The following TSHZ3 variants were observed in gnomAD, a reference collection of about 807,000 sequenced individuals.
The protein encoded by TSHZ3 is teashirt homolog 3.
TSHZ3 carries 10 observed loss-of-function variants against 64.5 expected under a neutral mutation model. The observed-to-expected ratio is 0.16, with a 90% CI of 0.10 to 0.26. The LOEUF is 0.26. Ranked by LOEUF, TSHZ3 falls within the 10% of genes least tolerant of loss-of-function variation. TSHZ3 has a pLI of 1.00. For missense variants in TSHZ3, 1,242 were observed against 1,421.7 expected (o/e 0.87, Z 2.03); for synonymous variants, 608 against 593.1 (o/e 1.03, Z -0.36).
intron 1 of TSHZ3, among the ~76,000 whole-genome samples, chr19:31,314,667 A>C (rs1043994484): frequency 5.3e-5 from 8 of 152,366 alleles, no homozygotes; most frequent in Admixed American, 3.9e-4. Context: ...ATTTTGCCTC[A>C]AGATGCGTTA....
At chr19:31,347,684 T>G (rs1029112017) in intron 1 of TSHZ3, among the ~76,000 whole-genome samples, 1 of 152,164 alleles carries the variant, frequency 6.6e-6, no homozygotes, top group African/African-American at 2.4e-5. Context: ...ACTTTCTAAA[T>G]TTGGGCAACA....
chr19:31,210,504 G>T (rs748449984), intron 4 of TSHZ3, among the ~76,000 whole-genome samples: 4 of 152,058 alleles, frequency 2.6e-5, no homozygotes, highest in Non-Finnish European at 5.9e-5. Flanking sequence ...TCTGTGTCTC[G>T]GGCCTCAGGC....
rs569719562 is a variant in TSHZ3 at position 31,192,661 on chromosome 19, T to G, written n.809+12295A>C. On this transcript the variant is annotated intron_variant and non_coding_transcript_variant, in intron 5 of 6. Coordinates refer to the TSHZ3 transcript ENST00000651361. ...CAACATTGTTTTGGGGCCAACTTTATTTCTTTGCATTACAGTGTAATATTC... is the reference window on the plus strand; with the variant it reads ...CAACATTGTTTTGGGGCCAACTTTAGTTCTTTGCATTACAGTGTAATATTC... Among the ~76,000 whole-genome samples the G allele has an allele frequency of 1.0e-3, 154 of 152,342 alleles. 1 individual carries two copies. In the Middle Eastern group the frequency reaches 0.024, roughly 24 times the overall value.
chr19:31,178,965 G>A (rs1358820405), intron 5 of TSHZ3, among the ~76,000 whole-genome samples: 1 of 152,098 alleles, frequency 6.6e-6, no homozygotes, highest in Non-Finnish European at 1.5e-5. Context: ...TGGAAATCAG[G>A]AAATATAGTA....
intron 3 of TSHZ3, among the ~76,000 whole-genome samples, chr19:31,239,869 T>A (rs1975666624): frequency 6.6e-6 from 1 of 152,208 alleles, no homozygotes; most frequent in African/African-American, 2.4e-5. Context: ...AAAATGTAAT[T>A]AAATTGACTT....
At chr19:31,237,310 G>C (rs192519772) in intron 3 of TSHZ3, among the ~76,000 whole-genome samples, 69 of 152,246 alleles carry the variant, frequency 4.5e-4, no homozygotes, top group Admixed American at 1.4e-3. Flanking sequence ...TTATCAGGCT[G>C]AAGTTGATTG....
intron 1 of TSHZ3, among the ~76,000 whole-genome samples, chr19:31,336,581 G>A (rs528517638): frequency 7.2e-5 from 11 of 152,286 alleles, no homozygotes; most frequent in Non-Finnish European, 1.5e-4. Flanking sequence ...GGTTATCTAA[G>A]GAACGAAGTT....
intron 1 of TSHZ3, among the ~76,000 whole-genome samples, chr19:31,322,337 A>G (rs1485280114): frequency 1.3e-5 from 2 of 152,106 alleles, no homozygotes; most frequent in Admixed American, 6.6e-5. Flanking sequence ...GGGTTTCACC[A>G]TGTTGGCTGG....
intron 1 of TSHZ3, among the ~76,000 whole-genome samples, chr19:31,257,463 T>C (rs1437106787): frequency 6.6e-6 from 1 of 152,214 alleles, no homozygotes; most frequent in Non-Finnish European, 1.5e-5. Context: ...AAGCAGCAGA[T>C]GCCCAGCCAA....
rs186339649 is a variant in TSHZ3 at position 31,235,006 on chromosome 19, T to A, written n.551-6866A>T. ...AACACCGAATTTCTTGTATGGGAAG[T>A]TTTTTTATGATAAATTCAATTATTT... is the stretch of plus-strand genomic sequence containing the variant. On this transcript the variant is annotated intron_variant and non_coding_transcript_variant, in intron 3 of 6. Coordinates refer to the TSHZ3 transcript ENST00000651361. Among the ~76,000 whole-genome samples, 412 of 152,326 alleles carry A rather than the reference T, an allele frequency of 2.7e-3. 3 individuals carry two copies. The highest frequency in any genetic ancestry group is 9.5e-3 in the African/African-American group (394 of 41,568).
chr19:31,277,849 G>C lies in TSHZ3; in HGVS notation c.1944C>G (p.Ser648Arg). 6.3e-7 allele frequency: 1 copy of C among 1,589,388 alleles called. No individual in the cohort carries two copies. Among genetic ancestry groups the C allele is most frequent in the Non-Finnish European group, 8.5e-7 (1 of 1,169,642 alleles). Residue 648 changes from serine (S) to arginine (R), a missense_variant, in exon 2 of 2, where the codon AGC (serine) becomes AGG (arginine). This residue lies in a region of TSHZ3 where 550 missense variants were observed against 545.1 expected (regional missense o/e 1.01). Coordinates refer to ENST00000240587, the MANE Select transcript of TSHZ3 (RefSeq NM_020856.4). The surrounding 1 kb of genome is among the most constrained non-coding windows in gnomAD (Gnocchi z 4.5). ...CCATCTTGATGGGTTCCCCGACTTC[G>C]CTGCTACATGGGGAGGGAGTGGCCC... is the stretch of plus-strand genomic sequence containing the variant. ...PKRATPSPCS[S>R]EVGEPIKMEA... is the part of the protein sequence containing the mutation.
At chr19:31,193,501 CATGAATT>C (rs769103917) in intron 5 of TSHZ3, among the ~76,000 whole-genome samples, 1 of 152,096 alleles carries the variant, frequency 6.6e-6, no homozygotes, top group Non-Finnish European at 1.5e-5. Flanking sequence ...CAAGCAGGTC[CATGAATT>C]ATGCTGGGTA....
chr19:31,210,213 G>C (rs960090031), intron 4 of TSHZ3, among the ~76,000 whole-genome samples: 1 of 152,154 alleles, frequency 6.6e-6, no homozygotes, highest in South Asian at 2.1e-4. Flanking sequence ...TTGGCCTATA[G>C]AGGCACAGGC....
intron 1 of TSHZ3, among the ~76,000 whole-genome samples, chr19:31,346,641 ACTCTCT>A (rs981884054): frequency 3.3e-5 from 5 of 151,714 alleles, no homozygotes; most frequent in Non-Finnish European, 7.4e-5. Context: ...TCTTTTCCCC[ACTCTCT>A]CTCTCTATCA....
At chr19:31,206,112 G>GATGGATGGATGGATGGATGA (rs1745098720) in intron 4 of TSHZ3, among the ~76,000 whole-genome samples, 2 of 147,282 alleles carry the variant, frequency 1.4e-5, no homozygotes, top group African/African-American at 5.4e-5. Context: ...TGGATGGATG[G>GATGGATGGATGGATGGATGA]ATGGATGGAT....
At chr19:31,339,399 G>A (rs1480381205) in intron 1 of TSHZ3, among the ~76,000 whole-genome samples, 3 of 151,860 alleles carry the variant, frequency 2.0e-5, no homozygotes, top group Non-Finnish European at 2.9e-5. Flanking sequence ...CCAGAAGCAG[G>A]CTCTACCCCC....
At chr19:31,175,738 G>C (rs1213256013) in intron 5 of TSHZ3, among the ~76,000 whole-genome samples, 1 of 152,262 alleles carries the variant, frequency 6.6e-6, no homozygotes, top group African/African-American at 2.4e-5. Context: ...CTGTGTGTCT[G>C]CTCTCTGTTG....
chr19:31,194,563 G>A (rs545178448), intron 5 of TSHZ3, among the ~76,000 whole-genome samples: 1 of 152,258 alleles, frequency 6.6e-6, no homozygotes, highest in African/African-American at 2.4e-5. Flanking sequence ...AGAAGACTGA[G>A]ACCCAATCAC....
At chr19:31,164,671 C>A (rs555233766) in intron 5 of TSHZ3, among the ~76,000 whole-genome samples, 1 of 152,074 alleles carries the variant, frequency 6.6e-6, no homozygotes, top group African/African-American at 2.4e-5. Flanking sequence ...GAATGATGGG[C>A]GAGTGAGCCA....
Sources: gnomAD v4.1 joint callset for allele counts (sites outside exome capture counted in the v4.1 genomes callset) on GRCh38, gnomAD v4.1.1 for gene constraint, gnomAD v4.1.1 regional missense constraint, Gnocchi (gnomAD v3.1) non-coding constraint, MANE v1.5 for transcripts, NCBI Gene and HGNC (gene_info 2026-07-23, HGNC 2026-07-21) for gene names.